UTRN: variants seen among roughly 807,000 people sequenced by gnomAD.
The protein encoded by UTRN is dystrophin-related protein 1.
In UTRN, 283 loss-of-function variants were observed where a neutral mutation model predicts 463.9. That is an observed-to-expected ratio of 0.61 (90% confidence interval 0.55 to 0.67). The LOEUF (loss-of-function observed/expected upper bound fraction) is 0.67, where lower values mean the gene tolerates loss of function less well. Among genes scored for constraint, UTRN ranks in the 30% least tolerant of loss-of-function variants. The pLI is 0.00. For missense variants in UTRN, 3,922 were observed against 4,084.3 expected (o/e 0.96, Z 1.08); for synonymous variants, 1,442 against 1,431.5 (o/e 1.01, Z -0.17).
At chr6:144,506,449 A>C (rs1269617562) in intron 34 of UTRN, among the ~76,000 whole-genome samples, 3 of 152,184 alleles carry the variant, frequency 2.0e-5, no homozygotes, top group Admixed American at 6.5e-5. Flanking sequence ...CTTGTAAGGC[A>C]GGCCTCATGG....
intron 65 of UTRN, among the ~76,000 whole-genome samples, chr6:144,810,838 G>C (rs1562938870): frequency 1.3e-5 from 2 of 152,090 alleles, no homozygotes; most frequent in African/African-American, 4.8e-5. Flanking sequence ...TGAGTTTAGT[G>C]AGAAGAGGCA....
chr6:144,748,478 C>T lies in UTRN; in HGVS notation c.8172C>T (p.Leu2724=), dbSNP rs747091016. 6 of 1,613,918 alleles carry T rather than the reference C, an allele frequency of 3.7e-6. No individual in the cohort carries two copies. Among genetic ancestry groups the T allele is most frequent in the Non-Finnish European group, 5.1e-6 (6 of 1,179,892 alleles). The change falls in exon 55 of 75, where the codon CTC becomes CTT. Residue 2724 remains leucine (L), a synonymous_variant. Transcript: ENST00000367545. Reference sequence around the variant, plus strand: ...GCTGGAAGCCCGTGGGAGACTTACTCATTGACTCGCTGCAGGATCACATTG... The same window carrying T: ...GCTGGAAGCCCGTGGGAGACTTACTTATTGACTCGCTGCAGGATCACATTG... ...RNGWKPVGDL[L]IDSLQDHIEK... is the part of the protein sequence containing the mutation.
chr6:144,341,063 AT>A (rs1777102535), intron 2 of UTRN, among the ~76,000 whole-genome samples: 1 of 152,214 alleles, frequency 6.6e-6, no homozygotes, highest in African/African-American at 2.4e-5. Context: ...CTTAATATGA[AT>A]GTTTTAGAAG....
intron 51 of UTRN, among the ~76,000 whole-genome samples, chr6:144,672,021 A>T (rs1781090004): frequency 6.6e-6 from 1 of 151,994 alleles, no homozygotes; most frequent in African/African-American, 2.4e-5. Flanking sequence ...TTTGATCATG[A>T]TGGATAATCT....
chr6:144,608,446 A>G lies in UTRN; in HGVS notation c.7479+31158A>G, dbSNP rs544983578. Among the ~76,000 whole-genome samples the G allele has an allele frequency of 6.6e-5, 10 of 152,320 alleles. No individual in the cohort carries two copies. The East Asian group carries it at 1.2e-3, about 18-fold the overall frequency. On this transcript the variant is annotated intron_variant, in intron 51 of 74. Coordinates refer to ENST00000367545, the MANE Select transcript of UTRN (RefSeq NM_007124.3). ...CTCTCTCCCAGAAATTCAACTAACA[A>G]CTATCATCAGGCAAGAATACCATTG... is the stretch of plus-strand genomic sequence containing the variant.
Position 144,482,251 on chromosome 6 carries a change from A to G in UTRN, c.3550A>G (p.Ile1184Val). 6.3e-7 allele frequency: 1 copy of G among 1,598,760 alleles called. No individual in the cohort carries two copies. The highest frequency in any genetic ancestry group is 8.5e-7 in the Non-Finnish European group (1 of 1,173,930). ...GTTGCAGAAGGAGGTGAGAGTGAAG[A>G]TTCTCAAGGACAACATCAAGTTATT... ...DVLQKEVRVK[I>V]LKDNIKLLAA... Residue 1184 changes from isoleucine to valine, a missense_variant, in exon 27 of 75, where the codon ATT (isoleucine) becomes GTT (valine). Coordinates refer to ENST00000367545, the MANE Select transcript of UTRN (RefSeq NM_007124.3).
intron 62 of UTRN, among the ~76,000 whole-genome samples, chr6:144,790,436 T>A (rs1367841307): frequency 6.6e-6 from 1 of 152,226 alleles, no homozygotes; most frequent in African/African-American, 2.4e-5. Flanking sequence ...TTTTATTTTC[T>A]GGGATTTCTG....
chr6:144,330,559 T>C (rs1422624586), intron 2 of UTRN, among the ~76,000 whole-genome samples: 1 of 152,212 alleles, frequency 6.6e-6, no homozygotes, highest in Non-Finnish European at 1.5e-5. Context: ...TTGGCTTGAA[T>C]CTAAGGAAAA....
chr6:144,849,896 C>T (rs1782339452), intron 74 of UTRN, among the ~76,000 whole-genome samples: 1 of 152,186 alleles, frequency 6.6e-6, no homozygotes, highest in South Asian at 2.1e-4. Flanking sequence ...ATGTTCCTTT[C>T]TCATATGGGG....
chr6:144,802,749 T>C (rs1048174728), intron 64 of UTRN, among the ~76,000 whole-genome samples: 2 of 152,186 alleles, frequency 1.3e-5, no homozygotes, highest in Admixed American at 6.5e-5. Context: ...AATTCATTTC[T>C]TATTGGTGGT....
chr6:144,599,509 T>A (rs1224580786), intron 51 of UTRN, among the ~76,000 whole-genome samples: 2 of 152,132 alleles, frequency 1.3e-5, no homozygotes, highest in Admixed American at 1.3e-4. Context: ...ATAAAAAATG[T>A]TTTTTAGAAA....
chr6:144,559,935 C>T (rs1037556300), intron 50 of UTRN, among the ~76,000 whole-genome samples: 2 of 152,136 alleles, frequency 1.3e-5, no homozygotes, highest in African/African-American at 4.8e-5. Flanking sequence ...AATGGTAATG[C>T]TCTTCATGCT....
At chr6:144,666,913 C>T (rs375174037) in intron 51 of UTRN, among the ~76,000 whole-genome samples, 6 of 152,110 alleles carry the variant, frequency 3.9e-5, no homozygotes, top group Non-Finnish European at 5.9e-5. Context: ...TGTGAGAAGG[C>T]GAATTTTCTT....
chr6:144,389,789 G>A (rs1412408023), intron 2 of UTRN, among the ~76,000 whole-genome samples: 2 of 152,082 alleles, frequency 1.3e-5, no homozygotes, highest in Admixed American at 6.5e-5. Context: ...GCTAGAGACA[G>A]GGTTTTACCA....
chr6:144,569,097 T>A (rs1457075332), intron 50 of UTRN, among the ~76,000 whole-genome samples: 1 of 152,092 alleles, frequency 6.6e-6, no homozygotes, highest in Non-Finnish European at 1.5e-5. Context: ...GAGTATACCA[T>A]ACTCTAGCCT....
At chr6:144,644,133 CCCTATGTAGG>C (rs1381004390) in intron 51 of UTRN, among the ~76,000 whole-genome samples, 1 of 152,142 alleles carries the variant, frequency 6.6e-6, no homozygotes, top group East Asian at 1.9e-4. Flanking sequence ...AAAAGCAAAA[CCCTATGTAGG>C]CCTATGTAGA....
At chr6:144,693,086 G>A (rs1428170636) in intron 52 of UTRN, among the ~76,000 whole-genome samples, 1 of 151,978 alleles carries the variant, frequency 6.6e-6, no homozygotes, top group African/African-American at 2.4e-5. Context: ...ATAAGGAAGA[G>A]GTCCAGTTTC....
At chr6:144,641,181 G>A (rs1777721727) in intron 51 of UTRN, among the ~76,000 whole-genome samples, 1 of 152,086 alleles carries the variant, frequency 6.6e-6, no homozygotes, top group Non-Finnish European at 1.5e-5. Flanking sequence ...GGTACAGCCT[G>A]CTTTTATACA....
chr6:144,458,797 A>G lies in UTRN; in HGVS notation c.2312A>G (p.Asn771Ser), dbSNP rs200543581. The G allele has an allele frequency of 1.7e-5, 28 of 1,603,080 alleles. No individual in the cohort carries two copies. Among genetic ancestry groups the G allele is most frequent in the Non-Finnish European group, 2.0e-5 (24 of 1,177,164 alleles). ...GGCCTTCCTACTGAAGAAATAAAAA[A>G]TGTTCTGGAGAAGGTTTCATCAGAA... ...KEGLPTEEIK[N>S]VLEKVSSEWK... The change falls in exon 20 of 75, where the codon AAT (asparagine) becomes AGT (serine). Residue 771 changes from asparagine (N) to serine (S), a missense_variant. Transcript: ENST00000367545.
Sources: allele counts gnomAD v4.1 joint callset (sites outside exome capture counted in the v4.1 genomes callset), GRCh38; gene constraint gnomAD v4.1.1; transcripts MANE v1.5; gene names NCBI Gene and HGNC (gene_info 2026-07-23, HGNC 2026-07-21).